Variants in GCN1 observed in about 807,000 individuals in gnomAD.
GCN1 encodes the protein stalled ribosome sensor GCN1.
Under a neutral mutation model 288.4 loss-of-function variants are expected in GCN1, and 90 were observed. That is an observed-to-expected ratio of 0.31 (90% CI 0.26 to 0.37). The LOEUF (loss-of-function observed/expected upper bound fraction) is 0.37. Among genes scored for constraint, GCN1 ranks in the 10% least tolerant of loss-of-function variants. The probability of loss-of-function intolerance (pLI) is 1.00; values close to 1 mark genes in which losing one functional copy is unlikely to be tolerated. For synonymous variants in GCN1, 1,386 were observed against 1,420.2 expected, an observed-to-expected ratio of 0.98 and a Z score of 0.54; for missense variants, 2,586 against 3,419.9, an observed-to-expected ratio of 0.76 and a Z score of 6.08.
chr12:120,132,385 G>A (rs1327646712), intron 53 of GCN1, among the ~76,000 whole-genome samples: 1 of 151,976 alleles, frequency 6.6e-6, no homozygotes, highest in African/African-American at 2.4e-5. Context: ...ACAGCCCTGT[G>A]AGGCAGGGAG....
chr12:120,137,168 TG>T lies in GCN1; in HGVS notation c.6777+37del, dbSNP rs765789394. On this transcript the variant is annotated intron_variant, in intron 50 of 57. Transcript: ENST00000300648. The surrounding 1 kb of genome is among the most constrained non-coding windows in gnomAD (Gnocchi z 5.2). Reference sequence around the variant, plus strand: ...TAAGGGCCAGAAGGGCACAACAGACTGCACGCCCACAGCCCCCTGCACGAGG... The same window carrying T: ...TAAGGGCCAGAAGGGCACAACAGACTCACGCCCACAGCCCCCTGCACGAGG... The T allele has an allele frequency of 6.9e-7, 1 of 1,448,208 alleles. No homozygotes were observed. The highest frequency in any genetic ancestry group is 1.7e-5 in the Admixed American group (1 of 59,782). The allele number at this position is 1,448,208 out of a possible 1,614,324, so 89.7% of individuals were successfully genotyped here.
chr12:120,157,428 C>T (rs1369910880), intron 26 of GCN1, among the ~76,000 whole-genome samples: 4 of 152,072 alleles, frequency 2.6e-5, no homozygotes, highest in East Asian at 1.9e-4. Flanking sequence ...GTCCAATGAA[C>T]CTGTCCTAAA....
rs1399175840 is a variant in GCN1, at chr12:120,137,289, T to TA, written c.6693_6694insT (p.Ile2232TyrfsTer2). 6.2e-7 allele frequency: 1 copy of TA among 1,614,084 alleles called. No individual in the cohort carries two copies. The stretch of plus-strand genomic sequence containing the variant: ...CGGATTTCCTTGTGCAGCTCTTCAA[T>TA]GAGTGCCAACTGGTTGCCAGCATCC... On this transcript the variant is annotated frameshift_variant, in exon 50 of 58. Transcript: ENST00000300648. LOFTEE classifies it high-confidence loss of function. This position sits in a 1 kb window ranked among gnomAD's most constrained non-coding sequence, Gnocchi z 5.2.
At position 120,142,698 on chromosome 12, in the gene GCN1, C is replaced by G; in HGVS notation, c.5638G>C (p.Glu1880Gln). 1 of 1,614,138 alleles carries G rather than the reference C, an allele frequency of 6.2e-7. No homozygotes were observed. The highest frequency in any genetic ancestry group is 2.2e-5 in the East Asian group (1 of 44,886). The part of the protein sequence containing the change: ...NKAIITALGV[E>Q]RRNRVLAGLY... ...CCTGCCAACACCCGGTTCCGCCGCTCTACCCCCAGGGCAGTGATGATCGCC... is the reference window on the plus strand; with the variant it reads ...CCTGCCAACACCCGGTTCCGCCGCTGTACCCCCAGGGCAGTGATGATCGCC... Residue 1880 changes from glutamate to glutamine, a missense_variant, in exon 44 of 58, where the codon GAG becomes CAG. Glu to Gln is a conservative substitution (Grantham distance 29, BLOSUM62 2). Around this residue, in one of 8 missense-constraint regions of GCN1, gnomAD observed 437 missense variants for 570.5 expected, o/e 0.77. Transcript: ENST00000300648. The surrounding 1 kb of genome is among the most constrained non-coding windows in gnomAD (Gnocchi z 4.9).
intron 55 of GCN1, among the ~76,000 whole-genome samples, 165 bp downstream of exon 55, chr12:120,131,020 C>T (rs1209766579): frequency 6.6e-6 from 1 of 152,074 alleles, no homozygotes; most frequent in Non-Finnish European, 1.5e-5. Context: ...AAACTGGGGC[C>T]CAAAGGGATC....
Position 120,130,768 on chromosome 12 carries a change from C to G in GCN1, c.7564-15G>C, listed in dbSNP as rs370299043. 18 of 1,566,764 alleles carry G rather than the reference C, an allele frequency of 1.1e-5. No individual in the cohort carries two copies. Among genetic ancestry groups the G allele is most frequent in the Non-Finnish European group, 1.3e-5 (15 of 1,138,068 alleles). On this transcript the variant is annotated splice_polypyrimidine_tract_variant and intron_variant, in intron 55 of 57. Transcript: ENST00000300648. ...GCAATGGGGATCTGTGGAGAACAGA[C>G]AGCGCTAGACGGGAGGCCCCCCACC...
At chr12:120,131,815 G>A (rs2139080439) in intron 54 of GCN1, 111 bp downstream of exon 54, 1 of 717,890 alleles carries the variant, frequency 1.4e-6, no homozygotes. Flanking sequence ...CCAAGGAAAG[G>A]ACAGTCCAGT....
At chr12:120,157,745 C>T (rs1467660184) in intron 26 of GCN1, 104 bp downstream of exon 26, 5 of 946,084 alleles carry the variant, frequency 5.3e-6, no homozygotes, top group African/African-American at 1.6e-5. Context: ...AACATACACT[C>T]TCTATTTCCC....
intron 16 of GCN1, 122 bp from the exon 17 acceptor site, chr12:120,164,843 A>C (rs1357118220): frequency 5.1e-6 from 3 of 584,232 alleles, no homozygotes; most frequent in Admixed American, 6.9e-5. Context: ...TGTGATTATC[A>C]CTCGAAGTGA....
chr12:120,175,311 G>A, intron 11 of GCN1, 99 bp from the exon 12 acceptor site: 1 of 1,085,822 alleles, frequency 9.2e-7, no homozygotes, highest in Non-Finnish European at 1.4e-6. Context: ...TACGGTTTCT[G>A]ATTCCAGAAG....
At chr12:120,186,604 A>G (rs1177888673) in intron 2 of GCN1, among the ~76,000 whole-genome samples, 1 of 152,322 alleles carries the variant, frequency 6.6e-6, no homozygotes, top group East Asian at 1.9e-4. Flanking sequence ...AATGAGGTAC[A>G]GGGACGCAGT....
chr12:120,137,039 C>T lies in GCN1; in HGVS notation c.6777+167G>A, dbSNP rs1388668987. 6.6e-6 allele frequency among the ~76,000 whole-genome samples: 1 copy of T among 152,210 alleles called. No individual in the cohort carries two copies. The highest frequency in any genetic ancestry group is 2.4e-5 in the African/African-American group (1 of 41,450). On this transcript the variant is annotated intron_variant, in intron 50 of 57. Transcript: ENST00000300648. The surrounding 1 kb of genome is among the most constrained non-coding windows in gnomAD (Gnocchi z 5.2). Reference sequence around the variant, plus strand: ...ACCAAAGGCAGCATGAACCCTGTCCCCATCTGACTGCCATGGAAGAAAACA... The same window carrying T: ...ACCAAAGGCAGCATGAACCCTGTCCTCATCTGACTGCCATGGAAGAAAACA...
At chr12:120,167,869 G>C (rs918951897) in intron 16 of GCN1, among the ~76,000 whole-genome samples, 2 of 151,488 alleles carry the variant, frequency 1.3e-5, no homozygotes, top group Non-Finnish European at 2.9e-5. Context: ...CTTGGTGGGG[G>C]AGTAGAGCCT....
chr12:120,138,744 A>T lies in GCN1; in HGVS notation c.6107T>A (p.Ile2036Asn). ...AKTFEQLHST[I>N]GHQALEDILP... ...AATGTCCTCCAGAGCCTGGTGGCCG[A>T]TGGTGGAATGCAGCTGCTCGAAAGT... The change falls in exon 46 of 58, where the codon ATC (isoleucine) becomes AAC (asparagine). Residue 2036 changes from isoleucine (I) to asparagine (N), a missense_variant. Ile to Asn is a moderately radical substitution (Grantham distance 149). Coordinates refer to ENST00000300648, the MANE Select transcript of GCN1 (RefSeq NM_006836.2). The T allele has an allele frequency of 6.2e-7, 1 of 1,614,186 alleles. No individual in the cohort carries two copies. Among genetic ancestry groups the T allele is most frequent in the Non-Finnish European group, 8.5e-7 (1 of 1,180,004 alleles).
intron 37 of GCN1, 138 bp downstream of exon 37, chr12:120,148,029 A>T (rs1022755784): frequency 3.1e-6 from 2 of 635,102 alleles, no homozygotes; most frequent in Non-Finnish European, 5.5e-6. Flanking sequence ...CCAATGACTC[A>T]GTGTCCCTAT....
intron 7 of GCN1, 98 bp downstream of exon 7, chr12:120,178,527 G>T: frequency 1.6e-6 from 2 of 1,228,036 alleles, no homozygotes; most frequent in Non-Finnish European, 2.4e-6. Flanking sequence ...TCAACAGCTA[G>T]GGTCACCAGG....
intron 15 of GCN1, among the ~76,000 whole-genome samples, chr12:120,169,329 G>A (rs958627132): frequency 7.0e-5 from 10 of 143,358 alleles, no homozygotes; most frequent in Non-Finnish European, 1.1e-4. Flanking sequence ...CCTGAAATAC[G>A]ATGTAGCCAC....
At chr12:120,189,910 G>A (rs1231939903) in intron 2 of GCN1, among the ~76,000 whole-genome samples, 1 of 152,078 alleles carries the variant, frequency 6.6e-6, no homozygotes, top group Non-Finnish European at 1.5e-5. Flanking sequence ...ACCCAGCGAG[G>A]CAGAGGTTGT....
Position 120,134,067 on chromosome 12 carries a change from AAAAC to A in GCN1, c.7317+220_7317+223del, listed in dbSNP as rs1187543146. On this transcript the variant is annotated intron_variant, in intron 53 of 57. Transcript: ENST00000300648. This position sits in a 1 kb window ranked among gnomAD's most constrained non-coding sequence, Gnocchi z 5.0. ...GGGTGACACAGCAAGACTCAGCCAAAAAACAAACAAACAAACGGAAATAACCAAT... is the reference window on the plus strand; with the variant it reads ...GGGTGACACAGCAAGACTCAGCCAAAAAACAAACAAACGGAAATAACCAAT... Among the ~76,000 whole-genome samples, 4 of 152,296 alleles carry A rather than the reference AAAAC, an allele frequency of 2.6e-5. No individual in the cohort carries two copies. The highest frequency in any genetic ancestry group is 1.9e-4 in the East Asian group (1 of 5,188).
Sources: allele counts gnomAD v4.1 joint callset (sites outside exome capture counted in the v4.1 genomes callset), GRCh38; gene constraint gnomAD v4.1.1; regional missense constraint gnomAD v4.1.1; non-coding constraint Gnocchi (gnomAD v3.1); transcripts MANE v1.5; gene names NCBI Gene and HGNC (gene_info 2026-07-23, HGNC 2026-07-21).